Variants in PCCA observed in about 807,000 individuals in gnomAD.
The protein encoded by PCCA is propionyl-CoA carboxylase alpha chain, mitochondrial.
Under a neutral mutation model 101.3 loss-of-function variants are expected in PCCA, and 74 were observed. The observed-to-expected ratio is 0.73, with a 90% CI of 0.61 to 0.89. PCCA has a LOEUF of 0.89. PCCA is among the 40% of genes least tolerant of loss of function. The pLI is 0.00. For synonymous variants in PCCA, 294 were observed against 313.6 expected, an observed-to-expected ratio of 0.94 and a Z score of 0.66; for missense variants, 891 against 907.0, an observed-to-expected ratio of 0.98 and a Z score of 0.23.
intron 19 of PCCA, among the ~76,000 whole-genome samples, chr13:100,376,541 C>T (rs552703950): frequency 6.6e-6 from 1 of 152,282 alleles, no homozygotes; most frequent in African/African-American, 2.4e-5. Context: ...TTCAGAGATG[C>T]CTTGCCTAGA....
At chr13:100,238,157 C>T (rs895293796) in intron 8 of PCCA, among the ~76,000 whole-genome samples, 9 of 151,966 alleles carry the variant, frequency 5.9e-5, no homozygotes, top group African/African-American at 2.2e-4. Context: ...CCAGGCTGGT[C>T]TCGAACTCCT....
intron 4 of PCCA, among the ~76,000 whole-genome samples, chr13:100,153,966 C>T (rs1408644736): frequency 6.6e-6 from 1 of 151,944 alleles, no homozygotes; most frequent in Non-Finnish European, 1.5e-5. Flanking sequence ...TTTAAGATCT[C>T]ATTTAAAACA....
intron 7 of PCCA, among the ~76,000 whole-genome samples, chr13:100,213,382 A>G (rs753265158): frequency 5.3e-5 from 8 of 152,074 alleles, no homozygotes; most frequent in Non-Finnish European, 8.8e-5. Context: ...CCTTTTCTCT[A>G]TATCCTCGCC....
intron 21 of PCCA, among the ~76,000 whole-genome samples, chr13:100,506,383 G>A (rs1359698455): frequency 6.6e-6 from 1 of 150,518 alleles, no homozygotes; most frequent in East Asian, 2.0e-4. Context: ...GCGGGCGGGG[G>A]TGGGGGCGGG....
At position 100,181,210 on chromosome 13, in the gene PCCA, A is replaced by G. The variant is rs141638800; in HGVS notation, c.468+23870A>G. On this transcript the variant is annotated intron_variant, in intron 6 of 23. Coordinates refer to ENST00000376285, the MANE Select transcript of PCCA (RefSeq NM_000282.4). Reference sequence around the variant, plus strand: ...TATATTTTTGGAAGAATTTCTGTCTAAAAGTGTTGGTGGGGTATGTGTTAT... The same window carrying G: ...TATATTTTTGGAAGAATTTCTGTCTGAAAGTGTTGGTGGGGTATGTGTTAT... Among the ~76,000 whole-genome samples the G allele has an allele frequency of 4.6e-5, 7 of 152,326 alleles. No individual in the cohort carries two copies. The East Asian group carries it at 1.4e-3, about 29-fold the overall frequency.
chr13:100,501,152 A>G (rs2085639214), intron 21 of PCCA, among the ~76,000 whole-genome samples: 1 of 152,224 alleles, frequency 6.6e-6, no homozygotes, highest in Non-Finnish European at 1.5e-5. Flanking sequence ...CTCTTAAAAA[A>G]AAGAAAAAAT....
chr13:100,233,582 A>G (rs1235240331), intron 7 of PCCA, among the ~76,000 whole-genome samples: 4 of 152,164 alleles, frequency 2.6e-5, no homozygotes, highest in Non-Finnish European at 4.4e-5. Flanking sequence ...CTGATAATAA[A>G]ACTTCATGTT....
At chr13:100,127,607 T>G (rs981059399) in intron 4 of PCCA, among the ~76,000 whole-genome samples, 2 of 152,140 alleles carry the variant, frequency 1.3e-5, no homozygotes, top group African/African-American at 4.8e-5. Flanking sequence ...ATAAAAGATT[T>G]GAGGGCCGGG....
At chr13:100,263,820 C>CCT (rs1423848349) in intron 10 of PCCA, among the ~76,000 whole-genome samples, 2 of 114,352 alleles carry the variant, frequency 1.7e-5, no homozygotes, top group Admixed American at 1.8e-4. Flanking sequence ...ATCTGTATAT[C>CCT]ATATATATGG....
chr13:100,292,935 G>GTGTGTGTGTGTGTT, intron 12 of PCCA, among the ~76,000 whole-genome samples: 1 of 140 alleles, frequency 7.1e-3, no homozygotes. Context: ...TTCCAAATTC[G>GTGTGTGTGTGTGTT]TGTGTGTGTG....
intron 6 of PCCA, among the ~76,000 whole-genome samples, chr13:100,166,071 G>A (rs1294618138): frequency 6.6e-6 from 1 of 152,152 alleles, no homozygotes; most frequent in African/African-American, 2.4e-5. Context: ...AATAAAGAAT[G>A]TATCCTTCAA....
At chr13:100,507,764 C>A (rs1324657519) in intron 21 of PCCA, among the ~76,000 whole-genome samples, 1 of 152,114 alleles carries the variant, frequency 6.6e-6, no homozygotes, top group Non-Finnish European at 1.5e-5. Flanking sequence ...TCAAGCGATT[C>A]TTCTGCCTCA....
At chr13:100,489,640 C>T (rs985892815) in intron 21 of PCCA, among the ~76,000 whole-genome samples, 1 of 152,158 alleles carries the variant, frequency 6.6e-6, no homozygotes, top group African/African-American at 2.4e-5. Context: ...ACATTGTTAA[C>T]TGAAAGTGAC....
intron 19 of PCCA, among the ~76,000 whole-genome samples, chr13:100,388,423 C>G (rs922514032): frequency 2.6e-5 from 4 of 152,064 alleles, no homozygotes; most frequent in African/African-American, 9.7e-5. Flanking sequence ...GTGATCGTGC[C>G]ACTGCACTTT....
chr13:100,319,968 A>G (rs2067833765), intron 16 of PCCA, among the ~76,000 whole-genome samples: 1 of 152,124 alleles, frequency 6.6e-6, no homozygotes, highest in African/African-American at 2.4e-5. Context: ...TGAGCATGGA[A>G]TGTTCTTCCA....
chr13:100,469,635 G>A (rs1428353405), intron 21 of PCCA, among the ~76,000 whole-genome samples: 2 of 151,814 alleles, frequency 1.3e-5, no homozygotes, highest in Admixed American at 1.3e-4. Flanking sequence ...TATTAGCTGG[G>A]CGTGGTGGCA....
At chr13:100,297,285 A>G (rs1365323352) in intron 12 of PCCA, among the ~76,000 whole-genome samples, 1 of 152,208 alleles carries the variant, frequency 6.6e-6, no homozygotes, top group East Asian at 1.9e-4. Flanking sequence ...GACTCTATAA[A>G]TAGCCAGCAT....
intron 21 of PCCA, among the ~76,000 whole-genome samples, chr13:100,456,863 C>T (rs140541201): frequency 6.6e-6 from 1 of 152,062 alleles, no homozygotes; most frequent in Non-Finnish European, 1.5e-5. Flanking sequence ...CTCCAGATGA[C>T]TGCGGGCAGA....
chr13:100,143,358 C>G (rs2052118959), intron 4 of PCCA, among the ~76,000 whole-genome samples: 1 of 151,542 alleles, frequency 6.6e-6, no homozygotes, highest in South Asian at 2.1e-4. Context: ...TGGTGAAACC[C>G]CGTCTCTACT....
Sources: allele counts gnomAD v4.1 joint callset (sites outside exome capture counted in the v4.1 genomes callset), GRCh38; gene constraint gnomAD v4.1.1; transcripts MANE v1.5; gene names NCBI Gene and HGNC (gene_info 2026-07-23, HGNC 2026-07-21).